The following TADA2A variants were observed in gnomAD, a reference collection of about 807,000 sequenced individuals.
The protein encoded by TADA2A is transcriptional adapter 2-alpha.
TADA2A carries 38 observed loss-of-function variants against 67.4 expected under a neutral mutation model. The observed-to-expected ratio is 0.56, with a 90% CI of 0.44 to 0.74. TADA2A has a LOEUF of 0.74. TADA2A is among the 30% of genes least tolerant of loss of function. The pLI, the probability that TADA2A is intolerant of heterozygous loss-of-function variation, is 0.00. For missense variants in TADA2A, 454 were observed against 547.0 expected, an observed-to-expected ratio of 0.83 and a Z score of 1.70; for synonymous variants, 192 against 181.6, an observed-to-expected ratio of 1.06 and a Z score of -0.46.
intron 10 of TADA2A, among the ~76,000 whole-genome samples, chr17:37,465,157 A>C (rs1472343322): frequency 6.6e-6 from 1 of 152,040 alleles, no homozygotes; most frequent in Non-Finnish European, 1.5e-5. Context: ...CAAAAAAAAA[A>C]AAGACAGTAG....
chr17:37,443,841 A>G (rs888195192), intron 7 of TADA2A, among the ~76,000 whole-genome samples: 1 of 152,226 alleles, frequency 6.6e-6, no homozygotes, highest in African/African-American at 2.4e-5. Flanking sequence ...ATAAAGAATG[A>G]TGAATGTGTA....
In TADA2A at chr17:37,438,066, T is replaced by C. The variant is rs1597885659; in HGVS notation, c.284+237T>C. On this transcript the variant is annotated intron_variant, in intron 5 of 15. Coordinates refer to ENST00000615182, the MANE Select transcript of TADA2A (RefSeq NM_001166105.3). ...AGCAGCTTTAAAAGGCCACTTTGGA[T>C]GTATCAACAGTGGGAAGATTGATTA... 7 of 451,408 alleles carry C rather than the reference T, an allele frequency of 1.6e-5. No homozygotes were observed. The East Asian group carries it at 2.6e-4, about 17-fold the overall frequency. 28.0% of individuals were successfully genotyped at this position (451,408 alleles called of 1,614,324 possible).
chr17:37,470,109 T>C (rs2053754196), intron 12 of TADA2A, among the ~76,000 whole-genome samples: 2 of 152,044 alleles, frequency 1.3e-5, no homozygotes, highest in Non-Finnish European at 2.9e-5. Flanking sequence ...TTTTTGAGAG[T>C]GGAAATATGA....
intron 2 of TADA2A, among the ~76,000 whole-genome samples, chr17:37,422,121 C>T (rs1224963648): frequency 6.9e-6 from 1 of 145,442 alleles, no homozygotes; most frequent in East Asian, 2.2e-4. Flanking sequence ...TCTCGGCTCA[C>T]TGCAACCTGT....
intron 9 of TADA2A, among the ~76,000 whole-genome samples, chr17:37,460,455 G>A (rs2053521714): frequency 6.6e-6 from 1 of 152,020 alleles, no homozygotes; most frequent in Non-Finnish European, 1.5e-5. Flanking sequence ...ATGTTGGCCA[G>A]GCTGGTCTCA....
intron 5 of TADA2A, 98 bp from the exon 6 acceptor site, chr17:37,440,407 A>G: frequency 2.2e-6 from 3 of 1,355,386 alleles, no homozygotes; most frequent in Non-Finnish European, 3.0e-6. Context: ...AGAGTATATT[A>G]TATGGATGTG....
chr17:37,432,170 A>ATT (rs1275697363), intron 4 of TADA2A, among the ~76,000 whole-genome samples: 5 of 138,840 alleles, frequency 3.6e-5, no homozygotes, highest in African/African-American at 1.3e-4. Flanking sequence ...TTATTTATTT[A>ATT]TTTATTTTTT....
At chr17:37,441,319 C>T (rs965895577) in intron 6 of TADA2A, among the ~76,000 whole-genome samples, 1 of 151,948 alleles carries the variant, frequency 6.6e-6, no homozygotes, top group African/African-American at 2.4e-5. Context: ...AGTTTTTTTT[C>T]AATCCCTTTG....
intron 4 of TADA2A, among the ~76,000 whole-genome samples, chr17:37,427,717 C>T (rs1474761587): frequency 6.7e-6 from 1 of 149,058 alleles, no homozygotes; most frequent in Non-Finnish European, 1.5e-5. Context: ...CAGTAACTCA[C>T]GCCTGTAATC....
intron 12 of TADA2A, among the ~76,000 whole-genome samples, chr17:37,467,898 A>G (rs2053700468): frequency 6.6e-6 from 1 of 152,086 alleles, no homozygotes; most frequent in Non-Finnish European, 1.5e-5. Flanking sequence ...CCTGACCAAC[A>G]TGGTGAAACC....
intron 5 of TADA2A, chr17:37,438,056 C>G: frequency 4.3e-6 from 2 of 469,878 alleles, no homozygotes. Flanking sequence ...CTTTAAAAGG[C>G]CACTTTGGAT....
chr17:37,440,705 T>C (rs1399117657), intron 6 of TADA2A, 43 bp downstream of exon 6: 2 of 1,607,726 alleles, frequency 1.2e-6, no homozygotes, highest in South Asian at 2.2e-5. Flanking sequence ...TAGCTCATCC[T>C]TGGGCCCTGT....
At chr17:37,444,590 C>G in intron 7 of TADA2A, 106 bp from the exon 8 acceptor site, 1 of 930,514 alleles carries the variant, frequency 1.1e-6, no homozygotes, top group Non-Finnish European at 1.7e-6. Flanking sequence ...TTTTAAACAA[C>G]TGTTTGCTTG....
intron 15 of TADA2A, among the ~76,000 whole-genome samples, chr17:37,475,274 C>T (rs999154630): frequency 3.3e-5 from 5 of 151,668 alleles, no homozygotes; most frequent in East Asian, 1.9e-4. Flanking sequence ...CAGGTTCAAG[C>T]GATTCTTCTG....
In TADA2A at chr17:37,458,637, TTGTGTGTGTGTGTGTGTGTGTG is replaced by T. The variant is rs55935249; in HGVS notation, c.668+66_668+87del. The T allele has an allele frequency of 4.1e-6, 4 of 981,460 alleles. No individual in the cohort carries two copies. In the African/African-American group the frequency reaches 5.2e-5, roughly 13 times the overall value. 60.8% of individuals were successfully genotyped at this position (981,460 alleles called of 1,614,324 possible). Reference sequence around the variant, plus strand: ...CTCCTTTCAGCTTTGGATTATTGTTTTGTGTGTGTGTGTGTGTGTGTGTGTGTGTGTGTGTGTCTGTGTCTGT... The same window carrying T: ...CTCCTTTCAGCTTTGGATTATTGTTTTGTGTGTGTGTGTGTCTGTGTCTGT... On this transcript the variant is annotated intron_variant, in intron 9 of 15. Transcript: ENST00000615182.
chr17:37,454,874 G>A (rs770592619), intron 8 of TADA2A: 1 of 220,248 alleles, frequency 4.5e-6, no homozygotes. Flanking sequence ...TGCTAAGGCA[G>A]CATCTACACA....
chr17:37,429,138 A>G (rs899239541), intron 4 of TADA2A, among the ~76,000 whole-genome samples: 3 of 151,636 alleles, frequency 2.0e-5, no homozygotes, highest in South Asian at 2.1e-4. Flanking sequence ...TTTCTGTGTT[A>G]TTCAGGCTGG....
At chr17:37,417,550 C>G (rs375358610) in intron 2 of TADA2A, among the ~76,000 whole-genome samples, 1 of 150,694 alleles carries the variant, frequency 6.6e-6, no homozygotes. Context: ...CTTTTTTTTT[C>G]TTGAGACATA....
chr17:37,421,281 T>C (rs1433859960), intron 2 of TADA2A, among the ~76,000 whole-genome samples: 3 of 145,354 alleles, frequency 2.1e-5, no homozygotes, highest in Non-Finnish European at 4.6e-5. Flanking sequence ...GAGGCTGAGG[T>C]GGGAGGAACA....
Sources: allele counts gnomAD v4.1 joint callset (sites outside exome capture counted in the v4.1 genomes callset), GRCh38; gene constraint gnomAD v4.1.1; transcripts MANE v1.5; gene names NCBI Gene and HGNC (gene_info 2026-07-23, HGNC 2026-07-21).